SPATS2: variants seen among roughly 807,000 people sequenced by gnomAD.
The protein encoded by SPATS2 is spermatogenesis-associated serine-rich protein 2.
Under a neutral mutation model 63.7 loss-of-function variants are expected in SPATS2, and 38 were observed. The observed-to-expected ratio is 0.60, with a 90% CI of 0.46 to 0.78. The LOEUF (loss-of-function observed/expected upper bound fraction) is 0.78. Ranked by LOEUF, SPATS2 falls within the 30% of genes least tolerant of loss-of-function variation. The pLI is 0.00. For synonymous variants in SPATS2, 207 were observed against 232.9 expected, an observed-to-expected ratio of 0.89 and a Z score of 1.01; for missense variants, 588 against 666.2, an observed-to-expected ratio of 0.88 and a Z score of 1.29.
chr12:49,396,443 A>G (rs748066198), intron 2 of SPATS2, among the ~76,000 whole-genome samples: 3 of 151,852 alleles, frequency 2.0e-5, no homozygotes, highest in Non-Finnish European at 4.4e-5. Flanking sequence ...ATGTGTGTGT[A>G]TTTTCTTTAA....
At chr12:49,467,215 ATTTTTTT>A (rs35462676) in intron 3 of SPATS2, among the ~76,000 whole-genome samples, 5 of 119,930 alleles carry the variant, frequency 4.2e-5, no homozygotes, top group Admixed American at 2.7e-4. Context: ...TGCCTGGCTA[ATTTTTTT>A]TTTTTTTTTT....
Position 49,524,787 on chromosome 12 carries a change from G to A in SPATS2, c.1217G>A (p.Cys406Tyr). The A allele has an allele frequency of 6.2e-7, 1 of 1,614,078 alleles. No individual in the cohort carries two copies. The highest frequency in any genetic ancestry group is 8.5e-7 in the Non-Finnish European group (1 of 1,180,022). ...SDASAASSST[C>Y]ASPPSLTSAN... ...GCCTCTGCTGCTTCCTCTTCCACCT[G>A]TGCCTCTCCTCCCAGCCTTACAAGT... The change falls in exon 13 of 14, where the codon TGT becomes TAT. Residue 406 changes from cysteine (C) to tyrosine (Y), a missense_variant. Physicochemically the swap from Cys to Tyr is radical, Grantham distance 194. Coordinates refer to ENST00000552918, the MANE Select transcript of SPATS2 (RefSeq NM_023071.4).
chr12:49,503,521 C>CAT (rs1329791797), intron 9 of SPATS2, among the ~76,000 whole-genome samples: 2 of 151,306 alleles, frequency 1.3e-5, no homozygotes, highest in African/African-American at 4.9e-5. Context: ...TGGTGGCGGG[C>CAT]GCCTGTAGTC....
intron 3 of SPATS2, among the ~76,000 whole-genome samples, chr12:49,479,008 G>A (rs1426650652): frequency 3.3e-5 from 5 of 152,164 alleles, no homozygotes; most frequent in Admixed American, 6.5e-5. Context: ...AGGAGGCCCT[G>A]TAGAGGATGG....
At chr12:49,514,292 C>T (rs751889048) in intron 9 of SPATS2, 91 of 357,378 alleles carry the variant, frequency 2.5e-4, no homozygotes, top group Non-Finnish European at 3.8e-4. Context: ...AACTCTTAGA[C>T]GTCTACAATT....
Position 49,374,305 on chromosome 12 carries a change from T to C in SPATS2, c.-244+3015T>C, listed in dbSNP as rs574287600. Among the ~76,000 whole-genome samples, 13 of 151,990 alleles carry C rather than the reference T, an allele frequency of 8.6e-5. No individual in the cohort carries two copies. In the East Asian group the frequency reaches 2.5e-3, roughly 29 times the overall value. ...CATGGCAGTCAGCTAGTTTTAAAAT[T>C]TTTTGTAGAGACAGGGTCTTGCTTT... On this transcript the variant is annotated intron_variant, in intron 2 of 13. Transcript: ENST00000552918.
intron 2 of SPATS2, among the ~76,000 whole-genome samples, chr12:49,434,157 T>C (rs1945233469): frequency 6.6e-6 from 1 of 152,216 alleles, no homozygotes; most frequent in South Asian, 2.1e-4. Flanking sequence ...TTTATGCCAG[T>C]ACTACACTGT....
At chr12:49,394,339 C>CAAAAAA (rs35693643) in intron 2 of SPATS2, among the ~76,000 whole-genome samples, 1 of 82,026 alleles carries the variant, frequency 1.2e-5, no homozygotes, top group African/African-American at 3.7e-5. Context: ...ACCTTGTCTC[C>CAAAAAA]AAAAAAAAAA....
chr12:49,517,824 AT>A (rs200632632), intron 10 of SPATS2, among the ~76,000 whole-genome samples: 3 of 150,622 alleles, frequency 2.0e-5, no homozygotes, highest in African/African-American at 4.9e-5. Context: ...GAAAATATAG[AT>A]TTTTTTTTTA....
chr12:49,389,815 C>A lies in SPATS2; in HGVS notation c.-244+18525C>A, dbSNP rs182041851. ...GAACATCAGTCGGCCTTGGAACTTA[C>A]GATGAGCAAGTATCGAGAACAAATG... On this transcript the variant is annotated intron_variant, in intron 2 of 13. Transcript: ENST00000552918. The A allele has an allele frequency of 6.2e-6, 6 of 966,166 alleles. No individual in the cohort carries two copies. In the African/African-American group the frequency reaches 9.6e-5, roughly 15 times the overall value. 59.8% of individuals were successfully genotyped at this position (966,166 alleles called of 1,614,324 possible).
At chr12:49,480,614 G>A (rs1366721039) in intron 3 of SPATS2, among the ~76,000 whole-genome samples, 2 of 152,034 alleles carry the variant, frequency 1.3e-5, no homozygotes, top group South Asian at 2.1e-4. Flanking sequence ...TAGAGACCTT[G>A]GTGACATTTC....
chr12:49,385,768 T>C (rs1040812050), intron 2 of SPATS2, among the ~76,000 whole-genome samples: 11 of 151,972 alleles, frequency 7.2e-5, no homozygotes, highest in Non-Finnish European at 1.6e-4. Flanking sequence ...AGGGAAATAT[T>C]GTGTGATTGC....
chr12:49,425,815 A>G (rs959215699), intron 2 of SPATS2, among the ~76,000 whole-genome samples: 1 of 150,372 alleles, frequency 6.7e-6, no homozygotes, highest in African/African-American at 2.5e-5. Flanking sequence ...TATTTTTAGT[A>G]GAGACGGGGG....
At chr12:49,457,838 T>C (rs1167931072) in intron 2 of SPATS2, among the ~76,000 whole-genome samples, 1 of 152,204 alleles carries the variant, frequency 6.6e-6, no homozygotes, top group Non-Finnish European at 1.5e-5. Context: ...TTCTAAAATC[T>C]TATTAAGTGT....
At chr12:49,521,644 AGT>A (rs1377389510) in intron 11 of SPATS2, among the ~76,000 whole-genome samples, 1 of 151,998 alleles carries the variant, frequency 6.6e-6, no homozygotes, top group Non-Finnish European at 1.5e-5. Flanking sequence ...CCACTTTTTC[AGT>A]GTACTGAAGT....
At chr12:49,438,360 T>G (rs1433584211) in intron 2 of SPATS2, among the ~76,000 whole-genome samples, 7 of 152,236 alleles carry the variant, frequency 4.6e-5, no homozygotes, top group Non-Finnish European at 1.0e-4. Context: ...TTCATCTTCT[T>G]GTTACCAGAT....
At chr12:49,504,230 T>C (rs1016538171) in intron 9 of SPATS2, among the ~76,000 whole-genome samples, 1 of 152,224 alleles carries the variant, frequency 6.6e-6, no homozygotes, top group Non-Finnish European at 1.5e-5. Context: ...AGGGAAATTA[T>C]ACAGATAACT....
intron 2 of SPATS2, among the ~76,000 whole-genome samples, chr12:49,384,513 G>T (rs1325465271): frequency 6.6e-6 from 1 of 152,126 alleles, no homozygotes; most frequent in African/African-American, 2.4e-5. Flanking sequence ...GTAGAAACAT[G>T]TATGTATGTG....
At chr12:49,391,550 G>A (rs1332079899) in intron 2 of SPATS2, among the ~76,000 whole-genome samples, 1 of 151,002 alleles carries the variant, frequency 6.6e-6, no homozygotes, top group Non-Finnish European at 1.5e-5. Context: ...CAAGTATGTA[G>A]TATGTATATT....
Sources: allele counts gnomAD v4.1 joint callset (sites outside exome capture counted in the v4.1 genomes callset), GRCh38; gene constraint gnomAD v4.1.1; transcripts MANE v1.5; gene names NCBI Gene and HGNC (gene_info 2026-07-23, HGNC 2026-07-21).